PZP: variants seen among roughly 807,000 people sequenced by gnomAD.
PZP encodes the protein PZP alpha-2-macroglobulin like.
A neutral mutation model predicts 179.8 loss-of-function variants in PZP; 150 were observed. The observed-to-expected ratio is 0.83, with a 90% CI of 0.73 to 0.96. The LOEUF (loss-of-function observed/expected upper bound fraction) is 0.96, where lower values mean the gene tolerates loss of function less well. Among genes scored for constraint, PZP ranks in the 40% least tolerant of loss-of-function variants. PZP has a pLI of 0.00. For synonymous variants in PZP, 624 were observed against 652.3 expected, an observed-to-expected ratio of 0.96 and a Z score of 0.66; for missense variants, 1,689 against 1,764.0, an observed-to-expected ratio of 0.96 and a Z score of 0.76.
chr12:9,143,152 T>A, the PZP span, among the ~76,000 whole-genome samples: 3 of 152,152 alleles, frequency 2.0e-5, no homozygotes, highest in Non-Finnish European at 4.4e-5. Flanking sequence ...CCAAGTTAAA[T>A]TAAAGGATTG....
chr12:9,162,588 G>A lies in PZP; in HGVS notation c.2788+9C>T. 6.4e-7 allele frequency: 1 copy of A among 1,564,138 alleles called. No homozygotes were observed. The highest frequency in any genetic ancestry group is 8.8e-7 in the Non-Finnish European group (1 of 1,136,092). ...TGATCTCACTATGATTATGAAGATGGACTCTTACCTGAGGCACAGGTCATA... is the reference window on the plus strand; with the variant it reads ...TGATCTCACTATGATTATGAAGATGAACTCTTACCTGAGGCACAGGTCATA... On this transcript the variant is annotated intron_variant, in intron 22 of 35. Transcript: ENST00000261336.
At position 9,168,985 on chromosome 12, in the gene PZP, AT is replaced by A. The variant is rs1941787774; in HGVS notation, c.2002-12del. ...CTTCAATCCCATCCCCTGGAAAAAAATAATTGTTCAATCTACTTGTAAGCTT... is the reference window on the plus strand; with the variant it reads ...CTTCAATCCCATCCCCTGGAAAAAAAAATTGTTCAATCTACTTGTAAGCTT... On this transcript the variant is annotated splice_polypyrimidine_tract_variant and intron_variant, in intron 16 of 35. Coordinates refer to ENST00000261336, the MANE Select transcript of PZP (RefSeq NM_002864.3). 1 of 1,583,428 alleles carries A rather than the reference AT, an allele frequency of 6.3e-7. No homozygotes were observed. Among genetic ancestry groups the A allele is most frequent in the Non-Finnish European group, 8.7e-7 (1 of 1,152,180 alleles).
chr12:9,157,419 T>C, intron 27 of PZP, 64 bp from the exon 28 acceptor site: 2 of 1,442,602 alleles, frequency 1.4e-6, no homozygotes, highest in South Asian at 2.5e-5. Flanking sequence ...AGCTGAGAGC[T>C]GGATATTGAC....
chr12:9,138,842 C>CT, the PZP span, among the ~76,000 whole-genome samples: 22 of 150,118 alleles, frequency 1.5e-4, no homozygotes, highest in East Asian at 7.8e-4. Flanking sequence ...TCTTTCATTT[C>CT]TTTTTTTTTA....
intron 15 of PZP, among the ~76,000 whole-genome samples, chr12:9,178,576 G>A (rs746352928): frequency 4.6e-5 from 7 of 152,286 alleles, no homozygotes; most frequent in East Asian, 1.9e-4. Flanking sequence ...CGGTAAGAAC[G>A]AATCTTCTAT....
intron 21 of PZP, 56 bp downstream of exon 21, chr12:9,163,612 G>A: frequency 1.9e-6 from 3 of 1,588,012 alleles, no homozygotes; most frequent in Non-Finnish European, 2.6e-6. Context: ...TGTCTCAAGA[G>A]TGACCGCCCG....
downstream of PZP, among the ~76,000 whole-genome samples, chr12:9,145,881 C>A (rs1939982545): frequency 6.6e-6 from 1 of 152,160 alleles, no homozygotes; most frequent in Non-Finnish European, 1.5e-5. Flanking sequence ...TTCTGGACTG[C>A]AAATTTCTGC....
intron 29 of PZP, among the ~76,000 whole-genome samples, chr12:9,153,566 C>T (rs1374773644): frequency 6.6e-6 from 1 of 152,190 alleles, no homozygotes; most frequent in Non-Finnish European, 1.5e-5. Context: ...ATTAATGTCA[C>T]TGTTTATTTT....
At chr12:9,184,023 G>A (rs891490987) in intron 13 of PZP, among the ~76,000 whole-genome samples, 2 of 152,176 alleles carry the variant, frequency 1.3e-5, no homozygotes, top group Admixed American at 1.3e-4. Flanking sequence ...AGTTCAACAA[G>A]GAAAGTGGGG....
intron 13 of PZP, among the ~76,000 whole-genome samples, chr12:9,182,462 G>A (rs1011584997): frequency 5.9e-5 from 9 of 151,980 alleles, no homozygotes; most frequent in Admixed American, 5.2e-4. Context: ...CAGACTAGAG[G>A]TGATTCTCAA....
At position 9,149,450 on chromosome 12, in the gene PZP, A is replaced by C. The variant is rs1592432692; in HGVS notation, c.4426+111T>G. The C allele has an allele frequency of 2.8e-6, 3 of 1,085,078 alleles. No homozygotes were observed. The East Asian group carries it at 7.3e-5, about 26-fold the overall frequency. 67.2% of individuals were successfully genotyped at this position (1,085,078 alleles called of 1,614,324 possible). On this transcript the variant is annotated intron_variant, in intron 35 of 35. Transcript: ENST00000261336. Reference sequence around the variant, plus strand: ...TTTTGTCTTGGTGTGAGGACATGCCATGTGGATTGTCTCAGATGTAGGAAA... The same window carrying C: ...TTTTGTCTTGGTGTGAGGACATGCCCTGTGGATTGTCTCAGATGTAGGAAA...
In PZP at chr12:9,160,367, G is replaced by C. The variant is rs375198879; in HGVS notation, c.2996C>G (p.Thr999Ser). ...CTTGATCTCCTGCGTCAGCTGCTGG[G>C]TTTCATTCAGATAGTTCAAGACATA... ...NIYVLNYLNETQQLTQEIKAK... is the reference protein window; with the variant it reads ...NIYVLNYLNESQQLTQEIKAK... The change falls in exon 24 of 36, where the codon ACC becomes AGC. Residue 999 changes from threonine (T) to serine (S), a missense_variant. Physicochemically the swap from Thr to Ser is moderately conservative, Grantham distance 58 (BLOSUM62 1). Coordinates refer to ENST00000261336, the MANE Select transcript of PZP (RefSeq NM_002864.3). 1.9e-5 allele frequency: 31 copies of C among 1,614,180 alleles called. No homozygotes were observed. Among genetic ancestry groups the C allele is most frequent in the Non-Finnish European group, 2.5e-5 (30 of 1,180,028 alleles).
chr12:9,147,689 G>T (rs1940082255), downstream of PZP, among the ~76,000 whole-genome samples: 1 of 152,138 alleles, frequency 6.6e-6, no homozygotes, highest in East Asian at 1.9e-4. Context: ...CTCCACTCAT[G>T]TATCTTTCAT....
chr12:9,200,322 G>T, intron 7 of PZP, 42 bp downstream of exon 7: 1 of 1,438,468 alleles, frequency 7.0e-7, no homozygotes, highest in Non-Finnish European at 9.7e-7. Flanking sequence ...CCTCAAAATT[G>T]AGGCAAAATA....
Position 9,202,626 on chromosome 12 carries a change from G to T in PZP, c.326C>A (p.Pro109His). ...VAFLSIQIKG[P>H]TQDFRKRNTV... ...GTTCCTCTTCCTGAAATCTTGCGTA[G>T]GCCCCTTTATCTGGATGCTAAGGAA... The change falls in exon 3 of 36, where the codon CCT (proline) becomes CAT (histidine). Residue 109 changes from proline to histidine, a missense_variant. By Grantham distance (77) the Pro-to-His change is moderately conservative. Transcript: ENST00000261336. The T allele has an allele frequency of 1.2e-6, 2 of 1,614,070 alleles. No individual in the cohort carries two copies. The highest frequency in any genetic ancestry group is 1.7e-6 in the Non-Finnish European group (2 of 1,179,976).
intron 13 of PZP, among the ~76,000 whole-genome samples, chr12:9,183,630 C>T (rs773720168): frequency 7.4e-4 from 113 of 152,212 alleles, no homozygotes; most frequent in African/African-American, 2.6e-3. Context: ...CCAAACTCCT[C>T]GGTTCAAGCA....
intron 15 of PZP, among the ~76,000 whole-genome samples, chr12:9,178,587 C>G (rs1333995895): frequency 6.6e-6 from 1 of 152,202 alleles, no homozygotes. Flanking sequence ...AATCTTCTAT[C>G]TATCAAATGG....
intron 15 of PZP, among the ~76,000 whole-genome samples, chr12:9,172,016 C>T (rs1272459642): frequency 6.6e-6 from 1 of 152,084 alleles, no homozygotes; most frequent in Admixed American, 6.6e-5. Flanking sequence ...TCCACAAGAA[C>T]ATCAACCCAA....
intron 35 of PZP, 139 bp from the exon 36 acceptor site, chr12:9,149,133 C>T (rs1342733650): frequency 3.2e-5 from 24 of 742,348 alleles, no homozygotes; most frequent in Non-Finnish European, 4.7e-5. Flanking sequence ...GGTTTATATG[C>T]CATGTGGTCT....
Sources: gnomAD v4.1 joint callset for allele counts (sites outside exome capture counted in the v4.1 genomes callset) on GRCh38, gnomAD v4.1.1 for gene constraint, MANE v1.5 for transcripts, NCBI Gene and HGNC (gene_info 2026-07-23, HGNC 2026-07-21) for gene names.